Variants in PKP4 observed in about 807,000 individuals in gnomAD.
PKP4 encodes the protein plakophilin 4, also known as plakophilin-4.
Under a neutral mutation model 145.1 loss-of-function variants are expected in PKP4, and 90 were observed. That is an observed-to-expected ratio of 0.62 (90% CI 0.52 to 0.74). The LOEUF (loss-of-function observed/expected upper bound fraction) is 0.74. Among genes scored for constraint, PKP4 ranks in the 30% least tolerant of loss-of-function variants. The pLI is 0.00. For missense variants in PKP4, 1,340 were observed against 1,482.7 expected, an observed-to-expected ratio of 0.90 and a Z score of 1.58; for synonymous variants, 563 against 577.2, an observed-to-expected ratio of 0.98 and a Z score of 0.35.
At chr2:158,508,058 A>G (rs2041150413) in intron 1 of PKP4, among the ~76,000 whole-genome samples, 2 of 152,090 alleles carry the variant, frequency 1.3e-5, no homozygotes, top group South Asian at 4.1e-4. Context: ...TACCCAGGAC[A>G]TTGAAAATAG....
At chr2:158,559,223 A>T (rs1261536882) in intron 2 of PKP4, among the ~76,000 whole-genome samples, 2 of 152,074 alleles carry the variant, frequency 1.3e-5, no homozygotes, top group Admixed American at 6.5e-5. Flanking sequence ...TCTCGCCACT[A>T]GTCCCAAGAG....
chr2:158,465,663 T>C (rs1161980933), intron 1 of PKP4, among the ~76,000 whole-genome samples: 5 of 152,246 alleles, frequency 3.3e-5, no homozygotes, highest in Admixed American at 3.3e-4. Flanking sequence ...AAACAGAATG[T>C]TTCAAAATCT....
At position 158,666,540 on chromosome 2, in the gene PKP4, A is replaced by G. The variant is rs770463957; in HGVS notation, c.2705A>G (p.Asp902Gly). The change falls in exon 16 of 22, where the codon GAT (aspartate) becomes GGT (glycine). Residue 902 changes from aspartate to glycine, a missense_variant. Asp to Gly is a moderately conservative substitution (Grantham distance 94). Coordinates refer to ENST00000389759, the MANE Select transcript of PKP4 (RefSeq NM_003628.6). Reference protein sequence around the residue: ...VATALRNMALDVRNKELIGKY... With the variant: ...VATALRNMALGVRNKELIGKY... ...ACAGCCTTGAGGAATATGGCACTAG[A>G]TGTTCGCAACAAGGAGCTCATAGGT... The G allele has an allele frequency of 3.7e-6, 6 of 1,612,798 alleles. No homozygotes were observed. In the South Asian group the frequency reaches 5.5e-5, roughly 15 times the overall value.
chr2:158,474,754 T>C (rs1034835983), intron 1 of PKP4, among the ~76,000 whole-genome samples: 10 of 151,944 alleles, frequency 6.6e-5, no homozygotes, highest in African/African-American at 2.2e-4. Flanking sequence ...TAGCTGCTGC[T>C]CCCCTCCCCA....
chr2:158,459,188 AAC>A lies in PKP4; in HGVS notation c.-6+1972_-6+1973del, dbSNP rs200163023. On this transcript the variant is annotated intron_variant, in intron 1 of 21. Transcript: ENST00000389759. The stretch of plus-strand genomic sequence containing the variant: ...AGTATCTTCGTTTTGGTGCCTGTGA[AAC>A]AGTTATGGAAAATGGCAACATGAAA... Among the ~76,000 whole-genome samples, 760 of 152,338 alleles carry A rather than the reference AAC, an allele frequency of 5.0e-3. 5 individuals are homozygous for A. Among genetic ancestry groups the A allele is most frequent in the Admixed American group, 0.014 (212 of 15,300 alleles).
chr2:158,535,888 G>C lies in PKP4; in HGVS notation c.132+2572G>C, dbSNP rs1160584075. On this transcript the variant is annotated intron_variant, in intron 2 of 21. Transcript: ENST00000389759. ...AATGCAACTGGGTACATAAAATTCT[G>C]TTTTCTCTTTTAACCATGTGACCTT... Among the ~76,000 whole-genome samples, 3 of 152,096 alleles carry C rather than the reference G, an allele frequency of 2.0e-5. No individual in the cohort carries two copies. The East Asian group carries it at 5.8e-4, about 29-fold the overall frequency.
At chr2:158,659,543 G>A (rs981083211) in intron 12 of PKP4, 22 of 152,378 alleles carry the variant, frequency 1.4e-4, no homozygotes, top group African/African-American at 5.1e-4. Flanking sequence ...AACAGTAGGT[G>A]CCATAAAAAC....
intron 4 of PKP4, among the ~76,000 whole-genome samples, chr2:158,615,558 CTATT>C (rs1397296575): frequency 2.0e-5 from 3 of 151,972 alleles, no homozygotes; most frequent in Non-Finnish European, 4.4e-5. Context: ...TTTTATATGA[CTATT>C]TGTGGAAATT....
At chr2:158,564,681 C>A (rs2046828630) in intron 2 of PKP4, among the ~76,000 whole-genome samples, 3 of 152,106 alleles carry the variant, frequency 2.0e-5, no homozygotes, top group African/African-American at 7.2e-5. Flanking sequence ...TAAATGTTTG[C>A]CAGTATGATG....
intron 6 of PKP4, among the ~76,000 whole-genome samples, chr2:158,624,493 G>A (rs1196011215): frequency 6.6e-6 from 1 of 152,166 alleles, no homozygotes; most frequent in Admixed American, 6.5e-5. Flanking sequence ...AGGGAATGAA[G>A]TAAGTACATT....
intron 1 of PKP4, among the ~76,000 whole-genome samples, chr2:158,509,418 A>G (rs1000651408): frequency 1.3e-5 from 2 of 152,238 alleles, no homozygotes; most frequent in African/African-American, 4.8e-5. Context: ...GGCAACAATA[A>G]AAACAGTCTG....
chr2:158,615,161 C>CT (rs1391685573), intron 4 of PKP4, among the ~76,000 whole-genome samples: 27 of 151,908 alleles, frequency 1.8e-4, no homozygotes, highest in African/African-American at 5.8e-4. Flanking sequence ...TATTTTGTAT[C>CT]TCCCACTGAC....
At chr2:158,515,965 G>C (rs545228015) in intron 1 of PKP4, among the ~76,000 whole-genome samples, 1 of 152,014 alleles carries the variant, frequency 6.6e-6, no homozygotes, top group South Asian at 2.1e-4. Context: ...AGGATCGTGT[G>C]ACCTAGGAGT....
In PKP4 at chr2:158,590,832, G is replaced by A. The variant is rs539190775; in HGVS notation, c.246-12238G>A. Among the ~76,000 whole-genome samples the A allele has an allele frequency of 9.2e-5, 14 of 152,198 alleles. 1 individual carries two copies. The South Asian group carries it at 2.3e-3, about 25-fold the overall frequency. ...ACTAAAATCATCAGCTGGAAAGGTA[G>A]TGAGAAGTTTTACAATGAATGGATC... On this transcript the variant is annotated intron_variant, in intron 3 of 21. Transcript: ENST00000389759.
At chr2:158,494,262 T>C (rs1255393197) in intron 1 of PKP4, among the ~76,000 whole-genome samples, 2 of 151,972 alleles carry the variant, frequency 1.3e-5, no homozygotes, top group African/African-American at 2.4e-5. Context: ...TTTTTACTTA[T>C]GGAGGGGAAA....
In PKP4 at chr2:158,634,286, C is replaced by T. The variant is rs2053632304; in HGVS notation, c.1559C>T (p.Pro520Leu). The change falls in exon 9 of 22, where the codon CCC (proline) becomes CTC (leucine). Residue 520 changes from proline (P) to leucine (L), a missense_variant. Pro to Leu is a moderately conservative substitution (Grantham distance 98, BLOSUM62 -3). Coordinates refer to ENST00000389759, the MANE Select transcript of PKP4 (RefSeq NM_003628.6). ...SPSIDSIQKD[P>L]REFAWRDPEL... ...TCAATAGACAGCATTCAGAAGGACC[C>T]CAGGCGAGTACCAGTTAGGAGTCTC... 1 of 1,612,948 alleles carries T rather than the reference C, an allele frequency of 6.2e-7. No individual in the cohort carries two copies. Among genetic ancestry groups the T allele is most frequent in the Non-Finnish European group, 8.5e-7 (1 of 1,179,252 alleles).
intron 1 of PKP4, among the ~76,000 whole-genome samples, chr2:158,512,380 T>C (rs1218473709): frequency 6.6e-6 from 1 of 152,198 alleles, no homozygotes; most frequent in East Asian, 1.9e-4. Flanking sequence ...GAGATTAACA[T>C]GCTTGTGGTG....
intron 2 of PKP4, among the ~76,000 whole-genome samples, chr2:158,553,571 G>T (rs1301133211): frequency 6.6e-6 from 1 of 152,198 alleles, no homozygotes; most frequent in African/African-American, 2.4e-5. Flanking sequence ...TTGCAAATAT[G>T]TGGTCCCCTT....
intron 2 of PKP4, among the ~76,000 whole-genome samples, chr2:158,576,336 A>G (rs1302662108): frequency 6.6e-6 from 1 of 152,222 alleles, no homozygotes; most frequent in Non-Finnish European, 1.5e-5. Context: ...GGTATTTTGA[A>G]CTAGCAGTCA....
Sources: gnomAD v4.1 joint callset for allele counts (sites outside exome capture counted in the v4.1 genomes callset) on GRCh38, gnomAD v4.1.1 for gene constraint, MANE v1.5 for transcripts, NCBI Gene and HGNC (gene_info 2026-07-23, HGNC 2026-07-21) for gene names.